Variants in WBP2 observed in about 807,000 individuals in gnomAD.
WBP2 encodes WW domain binding protein 2.
WBP2 carries 23 observed loss-of-function variants against 33.0 expected under a neutral mutation model. The observed-to-expected ratio is 0.70, with a 90% CI of 0.50 to 0.99. The LOEUF is 0.99. WBP2 is among the 50% of genes least tolerant of loss of function. The probability of loss-of-function intolerance (pLI) is 0.00; values close to 1 mark genes in which losing one functional copy is unlikely to be tolerated. For missense variants in WBP2, 353 were observed against 358.0 expected, an observed-to-expected ratio of 0.99 and a Z score of 0.11; for synonymous variants, 153 against 133.5, an observed-to-expected ratio of 1.15 and a Z score of -1.01.
chr17:75,856,305 C>T (rs1229983225), upstream of WBP2: 4 of 151,426 alleles, frequency 2.6e-5, no homozygotes, highest in African/African-American at 9.8e-5. Context: ...GCTGCACTTC[C>T]CACGTGGTAG....
chr17:75,846,861 A>G lies in WBP2; in HGVS notation c.732+47T>C, dbSNP rs2064995561. 1 of 1,613,476 alleles carries G rather than the reference A, an allele frequency of 6.2e-7. No homozygotes were observed. ...GTGCGGTCATCCCCCTGCGGCTCCC[A>G]GCATCTGCGGCTGTGGGGCTGCACC... On this transcript the variant is annotated intron_variant, in intron 7 of 7. Transcript: ENST00000254806. This position sits in a 1 kb window ranked among gnomAD's most constrained non-coding sequence, Gnocchi z 4.8.
At chr17:75,848,199 T>C (rs1299604348) in intron 4 of WBP2, 4 of 596,076 alleles carry the variant, frequency 6.7e-6, no homozygotes, top group Non-Finnish European at 1.2e-5. Flanking sequence ...GGCTCAGGGC[T>C]GGGGTAGGAG....
At chr17:75,856,142 G>C (rs2065057552), upstream of WBP2, 1 of 152,272 alleles carries the variant, frequency 6.6e-6, no homozygotes, top group Non-Finnish European at 1.5e-5. Context: ...CGCGAAACCG[G>C]CATCCTGATA....
chr17:75,847,676 G>T lies in WBP2; in HGVS notation c.533-67C>A, dbSNP rs2065002707. ...CTGCGGCCCCCTCCCGGGTGAGGGG[G>T]GCCTCTCCAGCTCCTTCGTTGGTCC... On this transcript the variant is annotated intron_variant, in intron 5 of 7. Transcript: ENST00000254806. 5.0e-6 allele frequency: 8 copies of T among 1,603,432 alleles called. No individual in the cohort carries two copies. The East Asian group carries it at 1.8e-4, about 36-fold the overall frequency.
rs760131142 is a variant in WBP2 at position 75,849,746 on chromosome 17, G to A, written c.169-7C>T. 1.9e-5 allele frequency: 31 copies of A among 1,613,682 alleles called. No homozygotes were observed. The highest frequency in any genetic ancestry group is 2.2e-5 in the Non-Finnish European group (26 of 1,179,992). ...CCTTGGACAGAAAGATGACCTGCAG[G>A]GAGAGAGGGTGAGGCCATCAGTACT... On this transcript the variant is annotated splice_region_variant and splice_polypyrimidine_tract_variant and intron_variant, in intron 2 of 7. Coordinates refer to ENST00000254806, the MANE Select transcript of WBP2 (RefSeq NM_012478.4).
rs561857512 is a variant in WBP2 at position 75,847,521 on chromosome 17, C to G, written c.621G>C (p.Pro207=). 1.3e-6 allele frequency: 2 copies of G among 1,592,246 alleles called. No homozygotes were observed. The highest frequency in any genetic ancestry group is 1.8e-5 in the Admixed American group (1 of 56,790). Residue 207 remains proline, a synonymous_variant, in exon 6 of 8, where the codon CCG becomes CCC. Transcript: ENST00000254806. ...PPPYPGPMEP[P]VSGPDVPSTP... is the part of the protein sequence containing the mutation. The stretch of plus-strand genomic sequence containing the variant: ...TGGAGGGGACATCGGGGCCGCTGAC[C>G]GGAGGTTCCATGGGCCCAGGGTAGG...
chr17:75,848,709 T>C (rs772892060), intron 3 of WBP2, 47 bp from the exon 4 acceptor site: 14 of 1,536,836 alleles, frequency 9.1e-6, no homozygotes, highest in Non-Finnish European at 1.2e-5. Flanking sequence ...AAAGAAAACT[T>C]ATGCCCAAAG....
chr17:75,851,501 G>T (rs1256287879), intron 2 of WBP2, 67 bp downstream of exon 2: 8 of 1,271,412 alleles, frequency 6.3e-6, no homozygotes, highest in Admixed American at 3.4e-5. Flanking sequence ...GCAGACCTGA[G>T]ACTAAGACTC....
Position 75,846,555 on chromosome 17 carries a change from G to T in WBP2, c.*179C>A. 1 of 782,922 alleles carries T rather than the reference G, an allele frequency of 1.3e-6. No individual in the cohort carries two copies. Among genetic ancestry groups the T allele is most frequent in the East Asian group, 2.7e-5 (1 of 37,086 alleles). The allele number at this position is 782,922 out of a possible 1,614,324, so 48.5% of individuals were successfully genotyped here. A position where few individuals can be genotyped will look rare whatever the true frequency, so the allele number is the denominator to read the frequency against. ...GCTCCGGGCTGGCATGGGAAGCTGG[G>T]CGGCACCTCTCCCGAGGCCGGGGGC... On this transcript the variant is annotated 3_prime_UTR_variant, in exon 8 of 8. Coordinates refer to ENST00000254806, the MANE Select transcript of WBP2 (RefSeq NM_012478.4). This position sits in a 1 kb window ranked among gnomAD's most constrained non-coding sequence, Gnocchi z 4.8.
chr17:75,848,291 T>C, intron 4 of WBP2: 2 of 586,228 alleles, frequency 3.4e-6, no homozygotes, highest in South Asian at 2.0e-5. Context: ...GTTGGTTTAG[T>C]GTTTGTTTTA....
intron 4 of WBP2, chr17:75,848,177 G>A: frequency 1.6e-6 from 1 of 607,140 alleles, no homozygotes; most frequent in South Asian, 2.0e-5. Context: ...GGTGGACAGA[G>A]GCCGGGAGGG....
intron 2 of WBP2, chr17:75,851,333 C>T (rs1345183931): frequency 1.2e-5 from 5 of 409,190 alleles, no homozygotes; most frequent in African/African-American, 2.0e-5. Context: ...TTTGCAGCAG[C>T]GGCTCTGGAA....
At chr17:75,848,054 C>T in intron 4 of WBP2, 124 bp from the exon 5 acceptor site, 1 of 1,291,772 alleles carries the variant, frequency 7.7e-7, no homozygotes. Flanking sequence ...ATCCTCTGTC[C>T]ATCCCACTCC....
intron 4 of WBP2, chr17:75,848,360 G>A: frequency 1.7e-6 from 1 of 604,184 alleles, no homozygotes; most frequent in Non-Finnish European, 2.9e-6. Flanking sequence ...TCATCCACCT[G>A]CCCCAGGCAG....
At chr17:75,851,830 G>C in intron 1 of WBP2, 154 bp from the exon 2 acceptor site, 2 of 540,338 alleles carry the variant, frequency 3.7e-6, no homozygotes, top group East Asian at 3.6e-5. Context: ...GGCTGGGCGC[G>C]GTGGCTCACG....
At chr17:75,852,910 T>C (rs2065036313) in intron 1 of WBP2, 1 of 555,616 alleles carries the variant, frequency 1.8e-6, no homozygotes, top group Non-Finnish European at 2.3e-6. Context: ...TTAAGCGGGG[T>C]TTGCAGGAAA....
rs2064998715 is a variant in WBP2, at chr17:75,847,223, A to G, written c.656-239T>C. 5.9e-6 allele frequency: 4 copies of G among 679,566 alleles called. 1 individual carries two copies. In the South Asian group the frequency reaches 7.4e-5, roughly 13 times the overall value. The allele number at this position is 679,566 out of a possible 1,614,324, so 42.1% of individuals were successfully genotyped here. On this transcript the variant is annotated intron_variant, in intron 6 of 7. Transcript: ENST00000254806. ...AATGCCCCAGGTGCCACTGTGACCG[A>G]CCAGCTGAGTGTAGATGAGAGGATC...
intron 4 of WBP2, 69 bp from the exon 5 acceptor site, chr17:75,847,999 C>T: frequency 6.5e-7 from 1 of 1,541,666 alleles, no homozygotes; most frequent in Non-Finnish European, 8.8e-7. Context: ...AGCCCCGCTG[C>T]CTGCAGATGG....
chr17:75,848,659 C>A lies in WBP2; in HGVS notation c.308G>T (p.Gly103Val). The A allele has an allele frequency of 6.2e-7, 1 of 1,613,348 alleles. No individual in the cohort carries two copies. The highest frequency in any genetic ancestry group is 1.1e-5 in the South Asian group (1 of 90,942). ...CTTGTAGGAAGCAGAGCCTTCCCAG[C>A]CACCTGAAAGGGGAAGGACAGTGAA... ...KGTVKAEAGGGWEGSASYKLT... is the reference protein window; with the variant it reads ...KGTVKAEAGGVWEGSASYKLT... The change falls in exon 4 of 8, where the codon GGC (glycine) becomes GTC (valine). Residue 103 changes from glycine to valine, a missense_variant. Gly to Val is a moderately radical substitution (Grantham distance 109). Transcript: ENST00000254806.
Sources: gnomAD v4.1 joint callset for allele counts on GRCh38, gnomAD v4.1.1 for gene constraint, Gnocchi (gnomAD v3.1) non-coding constraint, MANE v1.5 for transcripts, NCBI Gene and HGNC (gene_info 2026-07-23, HGNC 2026-07-21) for gene names.